MYO15A: variants seen among roughly 807,000 people sequenced by gnomAD.
MYO15A encodes the protein unconventional myosin-XV.
Under a neutral mutation model 394.6 loss-of-function variants are expected in MYO15A, and 308 were observed. The observed-to-expected ratio is 0.78, with a 90% CI of 0.71 to 0.86. The LOEUF is 0.86. MYO15A is among the 40% of genes least tolerant of loss of function. The pLI, the probability that MYO15A is intolerant of heterozygous loss-of-function variation, is 0.00. For missense variants in MYO15A, 4,606 were observed against 4,799.1 expected, an observed-to-expected ratio of 0.96 and a Z score of 1.19; for synonymous variants, 1,957 against 2,003.8, an observed-to-expected ratio of 0.98 and a Z score of 0.62.
At chr17:18,177,199 C>T (rs1466771951) in intron 65 of MYO15A, 4 of 152,180 alleles carry the variant, frequency 2.6e-5, no homozygotes, top group African/African-American at 7.2e-5. Flanking sequence ...TGACTGAGAC[C>T]CCCTCAGCTC....
At chr17:18,156,845 G>T (rs933866888) in intron 48 of MYO15A, 109 bp from the exon 49 acceptor site, 2 of 986,108 alleles carry the variant, frequency 2.0e-6, no homozygotes, top group Admixed American at 1.9e-5. Context: ...CCTAATGAAG[G>T]CTCCCTTCCC....
Position 18,157,860 on chromosome 17 carries a change from C to T in MYO15A, c.8927C>T (p.Ala2976Val), listed in dbSNP as rs781751572. The T allele has an allele frequency of 6.3e-7, 1 of 1,574,966 alleles. No homozygotes were observed. The highest frequency in any genetic ancestry group is 1.1e-5 in the South Asian group (1 of 87,782). Residue 2976 changes from alanine (A) to valine (V), a missense_variant, in exon 51 of 66, where the codon GCC becomes GTC. Physicochemically the swap from Ala to Val is moderately conservative, Grantham distance 64 (BLOSUM62 0). Around this residue, in one of 2 missense-constraint regions of MYO15A, gnomAD observed 2,776 missense variants for 3,109.3 expected, o/e 0.89. Coordinates refer to ENST00000647165, the MANE Select transcript of MYO15A (RefSeq NM_016239.4). The part of the protein sequence containing the change: ...GRAAAVAAAV[A>V]SAAAAQEVGR... ...GCAGCCGCCGTGGCCGCTGCTGTGG[C>T]CTCTGCAGCCGCTGCACAGGAGGTG...
chr17:18,143,608 T>C lies in MYO15A; in HGVS notation c.5953T>C (p.Trp1985Arg). 1 of 1,567,130 alleles carries C rather than the reference T, an allele frequency of 6.4e-7. No homozygotes were observed. Among genetic ancestry groups the C allele is most frequent in the East Asian group, 2.4e-5 (1 of 42,452 alleles). Residue 1985 changes from tryptophan to arginine, a missense_variant, in exon 26 of 66, where the codon TGG (tryptophan) becomes CGG (arginine). Transcript: ENST00000647165. ...GTGCCAGGTGGAGGGGGCGCTGCTG[T>C]GGGAGCAGGAGGTGGGTGTGGGTCT... The part of the protein sequence containing the change: ...WRCQVEGALL[W>R]EQEELSKREV...
intron 45 of MYO15A, 136 bp downstream of exon 45, chr17:18,154,891 T>C (rs2046648057): frequency 9.1e-7 from 1 of 1,100,852 alleles, no homozygotes; most frequent in African/African-American, 1.6e-5. Flanking sequence ...TCTGCTTCTC[T>C]GGCCTCTCGC....
At chr17:18,155,552 C>A in intron 47 of MYO15A, 120 bp downstream of exon 47, 1 of 978,868 alleles carries the variant, frequency 1.0e-6, no homozygotes, top group Non-Finnish European at 1.6e-6. Flanking sequence ...CTGTGCCAAG[C>A]CATTGAAGCA....
At position 18,148,122 on chromosome 17, in the gene MYO15A, G is replaced by A. The variant is rs755005995; in HGVS notation, c.6603G>A (p.Gly2201=). 14 of 1,613,730 alleles carry A rather than the reference G, an allele frequency of 8.7e-6. No homozygotes were observed. Among genetic ancestry groups the A allele is most frequent in the East Asian group, 4.5e-5 (2 of 44,890 alleles). Residue 2201 remains glycine (G), a synonymous_variant, in exon 31 of 66, where the codon GGG becomes GGA. Coordinates refer to ENST00000647165, the MANE Select transcript of MYO15A (RefSeq NM_016239.4). The surrounding 1 kb of genome is among the most constrained non-coding windows in gnomAD (Gnocchi z 4.8). ...GCCGGGCCCAACAGCAGGGCTCGGG[G>A]GCTGCCCGCACCTTACCCCCGACCC... ...AMGRAQQQGS[G]AARTLPPTQL... is the part of the protein sequence containing the mutation.
In MYO15A at chr17:18,171,631, T is replaced by C. The variant is rs771169590; in HGVS notation, c.10083-7T>C. On this transcript the variant is annotated splice_polypyrimidine_tract_variant and splice_region_variant and intron_variant, in intron 62 of 65. Coordinates refer to ENST00000647165, the MANE Select transcript of MYO15A (RefSeq NM_016239.4). ...TCAGGACCTTTTTCCCCTTCCTCCG[T>C]ACACAGGCGGGAAGTCCAGGAGTAC... 6.2e-7 allele frequency: 1 copy of C among 1,613,892 alleles called. No individual in the cohort carries two copies. The highest frequency in any genetic ancestry group is 1.1e-5 in the South Asian group (1 of 91,082).
Position 18,145,867 on chromosome 17 carries a change from C to T in MYO15A, c.6274-5C>T, listed in dbSNP as rs756273827. On this transcript the variant is annotated splice_region_variant and splice_polypyrimidine_tract_variant and intron_variant, in intron 29 of 65. Transcript: ENST00000647165. Reference sequence around the variant, plus strand: ...GATGCCCAGGAGACTCTGTTCGTGGCCCAGATCCTGCGCTTCATGGGCGAC... The same window carrying T: ...GATGCCCAGGAGACTCTGTTCGTGGTCCAGATCCTGCGCTTCATGGGCGAC... 1.2e-6 allele frequency: 2 copies of T among 1,612,820 alleles called. No homozygotes were observed. The highest frequency in any genetic ancestry group is 2.2e-5 in the East Asian group (1 of 44,878).
Position 18,142,273 on chromosome 17 carries a change from A to C in MYO15A, c.5825+19A>C. On this transcript the variant is annotated intron_variant, in intron 24 of 65. Coordinates refer to ENST00000647165, the MANE Select transcript of MYO15A (RefSeq NM_016239.4). ...TTGCCAGGTGAGGCACAGAAAAGGCAGGATTCCTAGGAGACCTATGGTCAG... is the reference window on the plus strand; with the variant it reads ...TTGCCAGGTGAGGCACAGAAAAGGCCGGATTCCTAGGAGACCTATGGTCAG... 6.2e-7 allele frequency: 1 copy of C among 1,607,564 alleles called. No homozygotes were observed. The highest frequency in any genetic ancestry group is 8.5e-7 in the Non-Finnish European group (1 of 1,177,746).
rs972083124 is a variant in MYO15A, at chr17:18,149,864, G to A, written c.7212+284G>A. On this transcript the variant is annotated intron_variant, in intron 35 of 65. Transcript: ENST00000647165. ...ACTACTTAGGAGGCTGAGATGGGAG[G>A]ATCACTTGAGCCCAGGAGTCTGAGG... 8.5e-6 allele frequency: 4 copies of A among 469,282 alleles called. No individual in the cohort carries two copies. In the East Asian group the frequency reaches 1.7e-4, roughly 20 times the overall value. The allele number at this position is 469,282 out of a possible 1,614,324, so 29.1% of individuals were successfully genotyped here.
In MYO15A at chr17:18,151,341, G is replaced by A. The variant is rs780094470; in HGVS notation, c.7654+51G>A. The stretch of plus-strand genomic sequence containing the variant: ...GGCTTCCCAGGACAGGCCTGGTGGT[G>A]TGGTTGTGCCCCTTGTGGCCTCACC... On this transcript the variant is annotated intron_variant, in intron 39 of 65. Coordinates refer to ENST00000647165, the MANE Select transcript of MYO15A (RefSeq NM_016239.4). 16 of 1,614,214 alleles carry A rather than the reference G, an allele frequency of 9.9e-6. No homozygotes were observed. The South Asian group carries it at 1.1e-4, about 11-fold the overall frequency.
At chr17:18,155,546 G>A in intron 47 of MYO15A, 114 bp downstream of exon 47, 2 of 1,045,498 alleles carry the variant, frequency 1.9e-6, no homozygotes, top group Middle Eastern at 2.7e-4. Flanking sequence ...CAGGCTCTGT[G>A]CCAAGCCATT....
At position 18,148,741 on chromosome 17, in the gene MYO15A, C is replaced by A; in HGVS notation, c.6765-20C>A. 1.3e-6 allele frequency: 2 copies of A among 1,582,430 alleles called. No individual in the cohort carries two copies. The highest frequency in any genetic ancestry group is 1.7e-6 in the Non-Finnish European group (2 of 1,163,194). Reference sequence around the variant, plus strand: ...GATGACTCTGTCCCTCATTTCCATTCCTGTGCATGCCATCACCAGGGGGCT... The same window carrying A: ...GATGACTCTGTCCCTCATTTCCATTACTGTGCATGCCATCACCAGGGGGCT... On this transcript the variant is annotated intron_variant, in intron 32 of 65. Transcript: ENST00000647165. This position sits in a 1 kb window ranked among gnomAD's most constrained non-coding sequence, Gnocchi z 4.8.
At chr17:18,163,603 C>G in intron 59 of MYO15A, 139 bp from the exon 60 acceptor site, 2 of 820,638 alleles carry the variant, frequency 2.4e-6, no homozygotes, top group East Asian at 2.7e-5. Flanking sequence ...GGCTGATTCT[C>G]AGAGACCTCA....
intron 53 of MYO15A, 46 bp downstream of exon 53, chr17:18,159,043 G>T (rs2046733934): frequency 6.3e-7 from 1 of 1,597,896 alleles, no homozygotes; most frequent in African/African-American, 1.3e-5. Context: ...AAATGGTGAT[G>T]CAGGGGCCCC....
intron 65 of MYO15A, among the ~76,000 whole-genome samples, chr17:18,175,736 C>T (rs2047006189): frequency 6.6e-6 from 1 of 152,162 alleles, no homozygotes; most frequent in Admixed American, 6.5e-5. Flanking sequence ...CTCCAGGCTC[C>T]CTCAGCATCC....
chr17:18,155,907 TGAAA>T, intron 47 of MYO15A: 1 of 488,734 alleles, frequency 2.0e-6, no homozygotes, highest in Non-Finnish European at 3.8e-6. Context: ...GGTCAATGGG[TGAAA>T]GAGAGATTTG....
At chr17:18,169,024 A>G (rs565177982) in intron 62 of MYO15A, among the ~76,000 whole-genome samples, 2 of 150,100 alleles carry the variant, frequency 1.3e-5, no homozygotes, top group East Asian at 3.9e-4. Flanking sequence ...GAAGCAGGAG[A>G]ATCACTTGAA....
intron 62 of MYO15A, among the ~76,000 whole-genome samples, chr17:18,170,666 TTGCC>T (rs2046926882): frequency 6.6e-6 from 1 of 152,132 alleles, no homozygotes; most frequent in African/African-American, 2.4e-5. Flanking sequence ...CCACCGCGCC[TTGCC>T]TAAAGCTCTT....
Sources: gnomAD v4.1 joint callset for allele counts (sites outside exome capture counted in the v4.1 genomes callset) on GRCh38, gnomAD v4.1.1 for gene constraint, gnomAD v4.1.1 regional missense constraint, Gnocchi (gnomAD v3.1) non-coding constraint, MANE v1.5 for transcripts, NCBI Gene and HGNC (gene_info 2026-07-23, HGNC 2026-07-21) for gene names.